NRXN3: variants seen among roughly 807,000 people sequenced by gnomAD.
NRXN3 encodes neurexin III.
NRXN3 carries 32 observed loss-of-function variants against 137.6 expected under a neutral mutation model. The ratio of observed to expected loss-of-function variants is 0.23; its 90% CI spans 0.18 to 0.31. The LOEUF is 0.31. Ranked by LOEUF, NRXN3 falls within the 10% of genes least tolerant of loss-of-function variation. NRXN3 has a pLI of 1.00. For synonymous variants in NRXN3, 798 were observed against 784.5 expected, an observed-to-expected ratio of 1.02 and a Z score of -0.29; for missense variants, 1,574 against 2,062.5, an observed-to-expected ratio of 0.76 and a Z score of 4.59.
chr14:79,157,064 G>A (rs2060316946), intron 15 of NRXN3, among the ~76,000 whole-genome samples: 1 of 151,628 alleles, frequency 6.6e-6, no homozygotes, highest in Non-Finnish European at 1.5e-5. Context: ...TGCTTATTTT[G>A]GTGTTAATTG....
intron 16 of NRXN3, among the ~76,000 whole-genome samples, chr14:79,564,730 C>G (rs975381921): frequency 1.2e-4 from 18 of 152,032 alleles, no homozygotes; most frequent in Admixed American, 3.3e-4. Flanking sequence ...TTGTTGACCA[C>G]CTAATAACCA....
chr14:79,386,264 T>C (rs1486771223), intron 15 of NRXN3, among the ~76,000 whole-genome samples: 2 of 152,166 alleles, frequency 1.3e-5, no homozygotes, highest in East Asian at 3.8e-4. Context: ...AGTCTCAGGA[T>C]ACAAAATCAA....
chr14:78,287,821 C>G (rs1372412240), intron 3 of NRXN3, among the ~76,000 whole-genome samples: 1 of 152,030 alleles, frequency 6.6e-6, no homozygotes, highest in Non-Finnish European at 1.5e-5. Context: ...TTTAAGCATT[C>G]TCCTACAAGG....
intron 15 of NRXN3, among the ~76,000 whole-genome samples, chr14:79,276,776 T>C (rs2080349313): frequency 6.6e-6 from 1 of 151,248 alleles, no homozygotes; most frequent in African/African-American, 2.4e-5. Flanking sequence ...CTGGAAAAGC[T>C]TGTCTTTGAG....
intron 15 of NRXN3, among the ~76,000 whole-genome samples, chr14:79,354,161 C>T (rs1188282599): frequency 1.3e-5 from 2 of 152,020 alleles, no homozygotes; most frequent in Admixed American, 1.3e-4. Flanking sequence ...GGAAGTAAAA[C>T]CTTAATGAGA....
intron 15 of NRXN3, among the ~76,000 whole-genome samples, chr14:79,204,374 T>C (rs765160861): frequency 4.6e-5 from 7 of 151,734 alleles, no homozygotes; most frequent in Non-Finnish European, 1.0e-4. Context: ...ATGGTAACAG[T>C]TACCAAGCAA....
intron 15 of NRXN3, among the ~76,000 whole-genome samples, chr14:79,336,868 C>T (rs1406042356): frequency 6.6e-6 from 1 of 151,984 alleles, no homozygotes; most frequent in African/African-American, 2.4e-5. Flanking sequence ...TGTGTAGAAC[C>T]CAACATCTTA....
chr14:78,992,109 A>G (rs1475173010), intron 15 of NRXN3, among the ~76,000 whole-genome samples: 5 of 152,212 alleles, frequency 3.3e-5, no homozygotes, highest in Non-Finnish European at 5.9e-5. Context: ...TAATTGTCTT[A>G]CATAGTTTTA....
intron 15 of NRXN3, among the ~76,000 whole-genome samples, chr14:79,180,571 T>C (rs982752799): frequency 6.6e-6 from 1 of 152,176 alleles, no homozygotes; most frequent in Non-Finnish European, 1.5e-5. Flanking sequence ...TGCTATTTTT[T>C]ATTTCCCTAA....
At chr14:78,369,363 G>A (rs182278341) in intron 4 of NRXN3, among the ~76,000 whole-genome samples, 59 of 151,458 alleles carry the variant, frequency 3.9e-4, no homozygotes, top group Admixed American at 2.1e-3. Flanking sequence ...TTCTTTGCAT[G>A]TGGTCCTATT....
intron 8 of NRXN3, among the ~76,000 whole-genome samples, chr14:78,795,349 G>A (rs1301878261): frequency 6.6e-6 from 1 of 152,114 alleles, no homozygotes; most frequent in Non-Finnish European, 1.5e-5. Flanking sequence ...TCCATTGTAA[G>A]TATTATTATA....
intron 15 of NRXN3, among the ~76,000 whole-genome samples, chr14:79,243,244 T>C (rs77856343): frequency 0.055 from 8,334 of 152,186 alleles, 623 homozygotes; most frequent in African/African-American, 0.16. Context: ...GGGAAACAGA[T>C]GCAATGATGT....
At chr14:79,107,597 C>T (rs191030001) in intron 15 of NRXN3, among the ~76,000 whole-genome samples, 15 of 152,124 alleles carry the variant, frequency 9.9e-5, no homozygotes, top group Non-Finnish European at 2.1e-4. Flanking sequence ...GGGAAGATTA[C>T]TTAGAAGGCT....
chr14:78,317,877 T>C (rs2078896583), intron 4 of NRXN3, among the ~76,000 whole-genome samples: 1 of 152,232 alleles, frequency 6.6e-6, no homozygotes, highest in Admixed American at 6.5e-5. Context: ...GTGATACACC[T>C]ATCCTGAGTA....
chr14:78,719,975 T>G (rs1400978661), intron 8 of NRXN3, among the ~76,000 whole-genome samples: 7 of 152,188 alleles, frequency 4.6e-5, no homozygotes, highest in African/African-American at 1.4e-4. Flanking sequence ...TAGCTTGGAA[T>G]TGCTATAGAA....
chr14:79,622,919 CATTATT>C (rs945927098), intron 16 of NRXN3, among the ~76,000 whole-genome samples: 1 of 152,100 alleles, frequency 6.6e-6, no homozygotes, highest in African/African-American at 2.4e-5. Context: ...ATTATTATTT[CATTATT>C]ATTGAGTATC....
chr14:78,503,959 C>T (rs1247019590), intron 4 of NRXN3, among the ~76,000 whole-genome samples: 1 of 152,134 alleles, frequency 6.6e-6, no homozygotes, highest in Non-Finnish European at 1.5e-5. Flanking sequence ...CATCCAGAGA[C>T]CACAAAAGTA....
intron 4 of NRXN3, among the ~76,000 whole-genome samples, chr14:78,557,212 ATTTTTTTCTATTTTT>A (rs370385679): frequency 1.6e-4 from 23 of 146,874 alleles, no homozygotes; most frequent in African/African-American, 4.3e-4. Context: ...ACCTGGCTAT[ATTTTTTTCTATTTTT>A]TTTTTTTTGT....
chr14:78,304,441 C>T (rs917668457), intron 4 of NRXN3, among the ~76,000 whole-genome samples: 6 of 152,124 alleles, frequency 3.9e-5, no homozygotes, highest in Non-Finnish European at 7.4e-5. Context: ...TAACAAAAAC[C>T]ACTCTGTTGA....
Sources: allele counts gnomAD v4.1 joint callset (sites outside exome capture counted in the v4.1 genomes callset), GRCh38; gene constraint gnomAD v4.1.1; transcripts MANE v1.5; gene names NCBI Gene and HGNC (gene_info 2026-07-23, HGNC 2026-07-21).